PRKAG2: variants seen among roughly 807,000 people sequenced by gnomAD.
The protein encoded by PRKAG2 is protein kinase AMP-activated non-catalytic subunit gamma 2, also known as 5'-AMP-activated protein kinase subunit gamma-2.
Under a neutral mutation model 69.6 loss-of-function variants are expected in PRKAG2, and 26 were observed. The ratio of observed to expected loss-of-function variants is 0.37; its 90% CI spans 0.27 to 0.52. The LOEUF (loss-of-function observed/expected upper bound fraction) is 0.52, where lower values mean the gene tolerates loss of function less well. Ranked by LOEUF, PRKAG2 falls within the 20% of genes least tolerant of loss-of-function variation. The pLI, the probability that PRKAG2 is intolerant of heterozygous loss-of-function variation, is 0.90. For synonymous variants in PRKAG2, 293 were observed against 285.0 expected, an observed-to-expected ratio of 1.03 and a Z score of -0.28; for missense variants, 557 against 740.0, an observed-to-expected ratio of 0.75 and a Z score of 2.87.
In PRKAG2 at chr7:151,835,307, C is replaced by T. The variant is rs558607545; in HGVS notation, c.114+41200G>A. Reference sequence around the variant, plus strand: ...GATCTTGGCTCACTGCAGCCTTGACCTCCTGGGCTCAAGTGATCCTCCAGG... The same window carrying T: ...GATCTTGGCTCACTGCAGCCTTGACTTCCTGGGCTCAAGTGATCCTCCAGG... On this transcript the variant is annotated intron_variant, in intron 1 of 15. Coordinates refer to ENST00000287878, the MANE Select transcript of PRKAG2 (RefSeq NM_016203.4). This position sits in a 1 kb window ranked among gnomAD's most constrained non-coding sequence, Gnocchi z 4.1. Among the ~76,000 whole-genome samples, 6 of 152,222 alleles carry T rather than the reference C, an allele frequency of 3.9e-5. No homozygotes were observed. In the East Asian group the frequency reaches 1.2e-3, roughly 29 times the overall value.
rs962348427 is a variant in PRKAG2, at chr7:151,850,588, C to A, written c.114+25919G>T. Among the ~76,000 whole-genome samples the A allele has an allele frequency of 1.3e-5, 2 of 152,192 alleles. No homozygotes were observed. Among genetic ancestry groups the A allele is most frequent in the Non-Finnish European group, 2.9e-5 (2 of 68,036 alleles). The stretch of plus-strand genomic sequence containing the variant: ...AAGGAGCCCCGAGCCTGGATTGGAA[C>A]CCAGATGGACCAATTCCAAAATCCT... On this transcript the variant is annotated intron_variant, in intron 1 of 15. Transcript: ENST00000287878. The surrounding 1 kb of genome is among the most constrained non-coding windows in gnomAD (Gnocchi z 4.1).
In PRKAG2 at chr7:151,675,514, G is replaced by C. The variant is rs368637364; in HGVS notation, c.590C>G (p.Pro197Arg). 8.7e-6 allele frequency: 14 copies of C among 1,614,210 alleles called. No homozygotes were observed. The highest frequency in any genetic ancestry group is 1.2e-5 in the Non-Finnish European group (14 of 1,180,028). ...GCAGAACCTCTGCCCTGTGTCCGGGGGGGAAGACGAGGCATAGATGCGATT... is the reference window on the plus strand; with the variant it reads ...GCAGAACCTCTGCCCTGTGTCCGGGCGGGAAGACGAGGCATAGATGCGATT... ...LENRIYASSSPPDTGQRFCPS... is the reference protein window; with the variant it reads ...LENRIYASSSRPDTGQRFCPS... Residue 197 changes from proline to arginine, a missense_variant, in exon 4 of 16, where the codon CCC becomes CGC. Physicochemically the swap from Pro to Arg is moderately radical, Grantham distance 103 (BLOSUM62 -2). This residue lies in a region of PRKAG2 where 352 missense variants were observed against 356.7 expected (regional missense o/e 0.99). Transcript: ENST00000287878.
In PRKAG2 at chr7:151,560,125, G is replaced by GT. The variant is rs1031213990; in HGVS notation, c.1678+398dup. 28 of 984,914 alleles carry GT rather than the reference G, an allele frequency of 2.8e-5. No individual in the cohort carries two copies. In the South Asian group the frequency reaches 1.0e-3, roughly 36 times the overall value. The allele number at this position is 984,914 out of a possible 1,614,324, so 61.0% of individuals were successfully genotyped here. A position where few individuals can be genotyped will look rare whatever the true frequency, so the allele number is the denominator to read the frequency against. On this transcript the variant is annotated intron_variant, in intron 15 of 15. Transcript: ENST00000287878. Reference sequence around the variant, plus strand: ...TCTGTTTTATCTACTCAAAATATAAGTTTTTTTTCTCTTTAAGGAAAGATG... The same window carrying GT: ...TCTGTTTTATCTACTCAAAATATAAGTTTTTTTTTCTCTTTAAGGAAAGATG...
intron 5 of PRKAG2, among the ~76,000 whole-genome samples, chr7:151,629,638 A>C (rs1263186757): frequency 6.6e-6 from 1 of 152,240 alleles, no homozygotes; most frequent in Non-Finnish European, 1.5e-5. Context: ...AGTGCTTCCA[A>C]GATGTTTCTA....
At position 151,557,099 on chromosome 7, in the gene PRKAG2, T is replaced by C; in HGVS notation, c.*102A>G. On this transcript the variant is annotated 3_prime_UTR_variant, in exon 16 of 16. Transcript: ENST00000287878. Reference sequence around the variant, plus strand: ...GGAAGAAATACCTATTGTTAAACCCTGATATACATTCTTAACCACTTGCAG... The same window carrying C: ...GGAAGAAATACCTATTGTTAAACCCCGATATACATTCTTAACCACTTGCAG... The C allele has an allele frequency of 2.6e-6, 4 of 1,553,408 alleles. No homozygotes were observed. In the East Asian group the frequency reaches 9.0e-5, roughly 35 times the overall value.
rs17643028 is a variant in PRKAG2 at position 151,583,401 on chromosome 7, C to A, written c.865-6949G>T. Among the ~76,000 whole-genome samples the A allele has an allele frequency of 0.15, 22,525 of 152,144 alleles. 1,793 individuals are homozygous for A. Among genetic ancestry groups the A allele is most frequent in the African/African-American group, 0.19 (7,860 of 41,484 alleles). ...CAGAGATCTCATATAATATTCCAAACGGACATGATACTCGTACAATGCATT... is the reference window on the plus strand; with the variant it reads ...CAGAGATCTCATATAATATTCCAAAAGGACATGATACTCGTACAATGCATT... On this transcript the variant is annotated intron_variant, in intron 6 of 15. Coordinates refer to ENST00000287878, the MANE Select transcript of PRKAG2 (RefSeq NM_016203.4). This position sits in a 1 kb window ranked among gnomAD's most constrained non-coding sequence, Gnocchi z 4.1.
intron 6 of PRKAG2, among the ~76,000 whole-genome samples, chr7:151,581,146 CAT>C (rs1215043917): frequency 6.6e-6 from 1 of 152,104 alleles, no homozygotes; most frequent in South Asian, 2.1e-4. Flanking sequence ...ATGGGTTAAA[CAT>C]AGTTTGTTAA....
chr7:151,846,290 A>C (rs2079430622), intron 1 of PRKAG2, among the ~76,000 whole-genome samples: 1 of 152,168 alleles, frequency 6.6e-6, no homozygotes, highest in South Asian at 2.1e-4. Context: ...CAACATAGCG[A>C]AACCCCGTCT....
At chr7:151,635,082 T>C (rs935542584) in intron 4 of PRKAG2, among the ~76,000 whole-genome samples, 2 of 152,022 alleles carry the variant, frequency 1.3e-5, no homozygotes, top group African/African-American at 4.8e-5. Flanking sequence ...CCTGAGTAGC[T>C]AGGATTACAG....
chr7:151,746,936 T>C (rs1414815534), intron 3 of PRKAG2, among the ~76,000 whole-genome samples: 1 of 152,260 alleles, frequency 6.6e-6, no homozygotes, highest in Non-Finnish European at 1.5e-5. Flanking sequence ...TTTCACGTCC[T>C]GAATGAGGAA....
intron 5 of PRKAG2, 105 bp from the exon 6 acceptor site, chr7:151,595,559 G>T (rs936197127): frequency 1.2e-6 from 1 of 823,224 alleles, no homozygotes; most frequent in Non-Finnish European, 2.0e-6. Context: ...GGTAAAATAC[G>T]AAATGTTTTC....
chr7:151,869,439 C>T (rs571475138), intron 1 of PRKAG2, among the ~76,000 whole-genome samples: 7 of 152,326 alleles, frequency 4.6e-5, no homozygotes, highest in Admixed American at 3.9e-4. Context: ...CTGTCATCTA[C>T]CATGTAATGA....
chr7:151,710,444 C>T (rs1458677930), intron 3 of PRKAG2, among the ~76,000 whole-genome samples: 2 of 152,178 alleles, frequency 1.3e-5, no homozygotes, highest in Non-Finnish European at 2.9e-5. Context: ...CATGAACCTT[C>T]GTGGGAAGAG....
intron 4 of PRKAG2, among the ~76,000 whole-genome samples, chr7:151,651,118 G>A (rs775703570): frequency 6.6e-6 from 1 of 152,170 alleles, no homozygotes; most frequent in African/African-American, 2.4e-5. Flanking sequence ...TGTCTGCCAC[G>A]ATGAGCTTGA....
intron 1 of PRKAG2, among the ~76,000 whole-genome samples, chr7:151,793,867 A>C (rs1314945232): frequency 6.6e-6 from 1 of 152,214 alleles, no homozygotes; most frequent in Non-Finnish European, 1.5e-5. Context: ...ATAAGGAACA[A>C]ATATTGAATC....
chr7:151,775,179 G>A (rs760815519), intron 3 of PRKAG2, among the ~76,000 whole-genome samples: 1 of 152,238 alleles, frequency 6.6e-6, no homozygotes, highest in Non-Finnish European at 1.5e-5. Context: ...AGTCCCCTTT[G>A]GATTGCCAAC....
At chr7:151,558,444 C>T in intron 15 of PRKAG2, 2 of 985,294 alleles carry the variant, frequency 2.0e-6, no homozygotes, top group Non-Finnish European at 2.4e-6. Flanking sequence ...GGAGACGGGC[C>T]TGTATCAGCC....
rs765196591 is a variant in PRKAG2, at chr7:151,814,483, C to G, written c.115-27942G>C. The G allele has an allele frequency of 9.8e-6, 12 of 1,230,562 alleles. No individual in the cohort carries two copies. The highest frequency in any genetic ancestry group is 8.4e-5 in the Admixed American group (2 of 23,696). 76.2% of individuals were successfully genotyped at this position (1,230,562 alleles called of 1,614,324 possible). On this transcript the variant is annotated intron_variant, in intron 1 of 15. Coordinates refer to ENST00000287878, the MANE Select transcript of PRKAG2 (RefSeq NM_016203.4). The surrounding 1 kb of genome is among the most constrained non-coding windows in gnomAD (Gnocchi z 4.8). ...ATAAGCAGTGCAGGCTTGTAAGCTG[C>G]TGGATGGCAGGATGCGAGTGACGGG...
At chr7:151,613,927 C>T (rs1348165520) in intron 5 of PRKAG2, among the ~76,000 whole-genome samples, 24 of 151,862 alleles carry the variant, frequency 1.6e-4, no homozygotes, top group Non-Finnish European at 1.0e-4. Context: ...CTCAGCCTCC[C>T]AAGTAGCTGG....
Sources: gnomAD v4.1 joint callset for allele counts (sites outside exome capture counted in the v4.1 genomes callset) on GRCh38, gnomAD v4.1.1 for gene constraint, gnomAD v4.1.1 regional missense constraint, Gnocchi (gnomAD v3.1) non-coding constraint, MANE v1.5 for transcripts, NCBI Gene and HGNC (gene_info 2026-07-23, HGNC 2026-07-21) for gene names.